The following TTN variants were observed in gnomAD, a reference collection of about 807,000 sequenced individuals.
TTN encodes the protein connectin.
Under a neutral mutation model 3,223.0 loss-of-function variants are expected in TTN, and 1,525 were observed. That is an observed-to-expected ratio of 0.47 (90% CI 0.45 to 0.49). The LOEUF (loss-of-function observed/expected upper bound fraction) is 0.49. Among genes scored for constraint, TTN ranks in the 20% least tolerant of loss-of-function variants. The pLI is 0.00. For synonymous variants in TTN, 14,094 were observed against 15,161.0 expected (o/e 0.93, Z 5.17); for missense variants, 40,786 against 43,424.0 (o/e 0.94, Z 5.40).
rs187826888 is a variant in TTN, at chr2:178,800,254, T to C, written c.583+141A>G. 369 of 1,093,146 alleles carry C rather than the reference T, an allele frequency of 3.4e-4. 2 individuals carry two copies. Among genetic ancestry groups the C allele is most frequent in the Middle Eastern group, 1.6e-3 (7 of 4,254 alleles). The allele number at this position is 1,093,146 out of a possible 1,614,324, so 67.7% of individuals were successfully genotyped here. On this transcript the variant is annotated intron_variant, in intron 4 of 362. Transcript: ENST00000589042. ...TGACTAGAATCTCAGGGACTTTTCA[T>C]GGGTGTCGAAAAGCCAGCTTTTATA... is the stretch of plus-strand genomic sequence containing the variant.
In TTN at chr2:178,614,268, C is replaced by T. The variant is rs757542062; in HGVS notation, c.49129G>A (p.Asp16377Asn). Residue 16377 changes from aspartate to asparagine, a missense_variant, in exon 262 of 363, where the codon GAT (aspartate) becomes AAT (asparagine). Transcript: ENST00000589042. ...SCLLTWNPPR[D>N]DGGSKITNYV... Reference sequence around the variant, plus strand: ...TTTGTGATCTTAGATCCACCATCATCGCGTGGTGGGTTCCATGTTAGAAGA... The same window carrying T: ...TTTGTGATCTTAGATCCACCATCATTGCGTGGTGGGTTCCATGTTAGAAGA... The T allele has an allele frequency of 1.8e-5, 29 of 1,612,492 alleles. No homozygotes were observed. The highest frequency in any genetic ancestry group is 1.6e-4 in the Middle Eastern group (1 of 6,072).
At chr2:178,780,286 C>T in intron 21 of TTN, 81 bp from the exon 22 acceptor site, 4 of 1,306,032 alleles carry the variant, frequency 3.1e-6, no homozygotes, top group Non-Finnish European at 4.4e-6. Context: ...GTAAACTCTA[C>T]ACTGGGGAAA....
intron 121 of TTN, 39 bp from the exon 122 acceptor site, chr2:178,689,935 A>G (rs2071925520): frequency 1.3e-6 from 2 of 1,544,670 alleles, no homozygotes; most frequent in East Asian, 4.5e-5. Flanking sequence ...TCAGACATAT[A>G]TCACTTTTAT....
chr2:178,719,695 T>G lies in TTN; in HGVS notation c.23797A>C (p.Ser7933Arg). 6.2e-7 allele frequency: 1 copy of G among 1,613,792 alleles called. No individual in the cohort carries two copies. ...TTGATGAATGTAATGTGATGTTTGC[T>G]GTCTGCAGACAATTCTCTTCCATCT... ...FKDGRELSAD[S>R]KHHITFINKV... The change falls in exon 82 of 363, where the codon AGC (serine) becomes CGC (arginine). Residue 7933 changes from serine to arginine, a missense_variant. Ser to Arg is a moderately radical substitution (Grantham distance 110, BLOSUM62 -1). Coordinates refer to ENST00000589042, the MANE Select transcript of TTN (RefSeq NM_001267550.2).
At chr2:178,803,299 A>G (rs2094155255) in intron 2 of TTN, among the ~76,000 whole-genome samples, 1 of 152,116 alleles carries the variant, frequency 6.6e-6, no homozygotes, top group Non-Finnish European at 1.5e-5. Context: ...ATATAGTTTG[A>G]AGGAACAAGA....
chr2:178,735,886 G>A lies in TTN; in HGVS notation c.14560C>T (p.Leu4854Phe), dbSNP rs1196213888. ...SDAENKHILELSNLTIQDRGV... is the reference protein window; with the variant it reads ...SDAENKHILEFSNLTIQDRGV... ...CTATCTTGAATGGTAAGGTTTGAGAGTTCTAAAATGTGTTTGTTTTCTGCG... is the reference window on the plus strand; with the variant it reads ...CTATCTTGAATGGTAAGGTTTGAGAATTCTAAAATGTGTTTGTTTTCTGCG... Residue 4854 changes from leucine to phenylalanine, a missense_variant, in exon 50 of 363, where the codon CTC becomes TTC. Coordinates refer to ENST00000589042, the MANE Select transcript of TTN (RefSeq NM_001267550.2). 3.7e-6 allele frequency: 6 copies of A among 1,613,764 alleles called. No individual in the cohort carries two copies. The Admixed American group carries it at 5.0e-5, about 13-fold the overall frequency.
At chr2:178,586,888 A>T in intron 307 of TTN, 81 bp from the exon 308 acceptor site, 1 of 1,540,824 alleles carries the variant, frequency 6.5e-7, no homozygotes, top group Non-Finnish European at 8.8e-7. Flanking sequence ...GAGTTTTAGT[A>T]TGGATTTGCT....
At chr2:178,583,464 A>G in intron 312 of TTN, 143 bp downstream of exon 312, 1 of 965,192 alleles carries the variant, frequency 1.0e-6, no homozygotes, top group Non-Finnish European at 1.4e-6. Flanking sequence ...ATGATTCTCC[A>G]TAATCATAAT....
intron 149 of TTN, 60 bp downstream of exon 149, chr2:178,675,611 G>A (rs2154267196): frequency 1.6e-6 from 2 of 1,266,754 alleles, no homozygotes; most frequent in African/African-American, 1.5e-5. Flanking sequence ...TGTCCTGTGT[G>A]GATAGAACCA....
At chr2:178,580,276 T>C in intron 317 of TTN, 46 bp downstream of exon 317, 1 of 1,605,060 alleles carries the variant, frequency 6.2e-7, no homozygotes, top group South Asian at 1.1e-5. Flanking sequence ...AAAAAATACA[T>C]AAGCTATTTT....
chr2:178,731,081 C>A lies in TTN; in HGVS notation c.17584G>T (p.Glu5862Ter). Residue 5862 changes from glutamate (E) to a stop codon, truncating the protein, a stop_gained, in exon 60 of 363, where the codon GAA becomes TAA. Transcript: ENST00000589042. LOFTEE classifies it high-confidence loss of function. ...TTATATTTTGAGCCCAGGGTCAGTT[C>A]TTGGCCATCTTTAAACCATTTGGCT... Reference protein sequence around the residue: ...ITAKWFKDGQELTLGSKYKIS... With the variant: ...ITAKWFKDGQ 6.2e-7 allele frequency: 1 copy of A among 1,613,708 alleles called. No individual in the cohort carries two copies. Among genetic ancestry groups the A allele is most frequent in the Non-Finnish European group, 8.5e-7 (1 of 1,179,722 alleles).
Position 178,632,700 on chromosome 2 carries a change from T to A in TTN, c.43306A>T (p.Lys14436Ter). The change falls in exon 235 of 363, where the codon AAA (lysine) becomes TAA (stop). Residue 14436 changes from lysine to a stop codon, truncating the protein, a stop_gained. Transcript: ENST00000589042. LOFTEE classifies it high-confidence loss of function. ...KFECEVSREP[K>*]TFRWLKGTQE... ...GTTCCTTTTAGCCAACGGAATGTTT[T>A]GGGCTCCCTGGATACTTCACACTCA... is the stretch of plus-strand genomic sequence containing the variant. The A allele has an allele frequency of 6.2e-7, 1 of 1,613,400 alleles. No homozygotes were observed. Among genetic ancestry groups the A allele is most frequent in the Non-Finnish European group, 8.5e-7 (1 of 1,179,536 alleles).
intron 43 of TTN, among the ~76,000 whole-genome samples, chr2:178,760,369 A>C (rs2088749778): frequency 6.6e-6 from 1 of 152,156 alleles, no homozygotes; most frequent in Non-Finnish European, 1.5e-5. Context: ...GTCTCTCCTG[A>C]AAATACAAAA....
chr2:178,766,076 T>G (rs1475180656), intron 41 of TTN, among the ~76,000 whole-genome samples: 2 of 152,148 alleles, frequency 1.3e-5, no homozygotes, highest in Non-Finnish European at 2.9e-5. Flanking sequence ...TAAAATAGTT[T>G]AACAGCGAAT....
chr2:178,760,112 T>C (rs1211282468), intron 43 of TTN, among the ~76,000 whole-genome samples: 3 of 152,226 alleles, frequency 2.0e-5, no homozygotes, highest in Non-Finnish European at 4.4e-5. Flanking sequence ...TTTGTCTGCA[T>C]TTTAATGCCA....
Position 178,598,833 on chromosome 2 carries a change from A to G in TTN, c.56877T>C (p.Tyr18959=), listed in dbSNP as rs772256603. The change falls in exon 291 of 363, where the codon TAT becomes TAC. Residue 18959 remains tyrosine (Y), a synonymous_variant. Coordinates refer to ENST00000589042, the MANE Select transcript of TTN (RefSeq NM_001267550.2). ...CATTGATTGCATATACCCGGAATTG[A>G]TAGTCGGAACCTTCAATAAGACCAG... ...KVTGLIEGSD[Y]QFRVYAINAA... 1.2e-6 allele frequency: 2 copies of G among 1,613,382 alleles called. No individual in the cohort carries two copies. Among genetic ancestry groups the G allele is most frequent in the South Asian group, 2.2e-5 (2 of 91,056 alleles).
At chr2:178,695,305 G>A (rs759645631) in intron 115 of TTN, 43 bp downstream of exon 115, 1 of 1,491,480 alleles carries the variant, frequency 6.7e-7, no homozygotes, top group African/African-American at 1.4e-5. Flanking sequence ...CCATGATAAT[G>A]ATGTTGATGC....
At position 178,672,623 on chromosome 2, in the gene TTN, G is replaced by A; in HGVS notation, c.34855+12C>T. The A allele has an allele frequency of 6.2e-7, 1 of 1,611,678 alleles. No individual in the cohort carries two copies. The highest frequency in any genetic ancestry group is 2.2e-5 in the East Asian group (1 of 44,802). On this transcript the variant is annotated intron_variant, in intron 153 of 362. Transcript: ENST00000589042. The stretch of plus-strand genomic sequence containing the variant: ...ACAGAAGAGGAAGTCAGGTTTAAAA[G>A]AGAAGATGTACCTTTGGCTGGGGGT...
chr2:178,540,705 A>G (rs188313041), intron 350 of TTN, among the ~76,000 whole-genome samples: 33 of 152,288 alleles, frequency 2.2e-4, no homozygotes, highest in Non-Finnish European at 3.5e-4. Flanking sequence ...CTGAGGCAGA[A>G]GAATTGCTTG....
Sources: gnomAD v4.1 joint callset for allele counts (sites outside exome capture counted in the v4.1 genomes callset) on GRCh38, gnomAD v4.1.1 for gene constraint, MANE v1.5 for transcripts, NCBI Gene and HGNC (gene_info 2026-07-23, HGNC 2026-07-21) for gene names.